Variants in STK32B observed in about 807,000 individuals in gnomAD.
STK32B encodes the protein serine/threonine-protein kinase 32B.
STK32B carries 43 observed loss-of-function variants against 52.6 expected under a neutral mutation model. The observed-to-expected ratio is 0.82, with a 90% CI of 0.64 to 1.05. The LOEUF (loss-of-function observed/expected upper bound fraction) is 1.05, where lower values mean the gene tolerates loss of function less well. Among genes scored for constraint, STK32B ranks in the 50% least tolerant of loss-of-function variants. The probability of loss-of-function intolerance (pLI) is 0.00; values close to 1 mark genes in which losing one functional copy is unlikely to be tolerated. For missense variants in STK32B, 621 were observed against 534.6 expected, an observed-to-expected ratio of 1.16 and a Z score of -1.59; for synonymous variants, 238 against 204.3, an observed-to-expected ratio of 1.17 and a Z score of -1.41.
chr4:5,136,945 T>C (rs890282815), intron 1 of STK32B, among the ~76,000 whole-genome samples: 1 of 152,174 alleles, frequency 6.6e-6, no homozygotes, highest in African/African-American at 2.4e-5. Context: ...TTTTGCCCCA[T>C]ACATTGTTAG....
chr4:5,431,608 C>T (rs186671368), intron 6 of STK32B, among the ~76,000 whole-genome samples: 158 of 152,042 alleles, frequency 1.0e-3, no homozygotes, highest in Non-Finnish European at 2.2e-3. Context: ...TCAGAGCTTA[C>T]GTATTTACTC....
chr4:5,140,349 G>A, intron 2 of STK32B: 5 of 1,212,230 alleles, frequency 4.1e-6, no homozygotes, highest in Non-Finnish European at 5.3e-6. Flanking sequence ...TTTTGAAAAG[G>A]TATAGAAGGC....
chr4:5,408,483 G>A (rs561362653), intron 5 of STK32B, among the ~76,000 whole-genome samples: 2 of 152,108 alleles, frequency 1.3e-5, no homozygotes, highest in Non-Finnish European at 1.5e-5. Flanking sequence ...CACTATGCCT[G>A]CTGCACAGCC....
At chr4:5,263,545 A>G (rs1726865945) in intron 3 of STK32B, among the ~76,000 whole-genome samples, 1 of 152,240 alleles carries the variant, frequency 6.6e-6, no homozygotes, top group Non-Finnish European at 1.5e-5. Flanking sequence ...CCATCCACCT[A>G]TGCAAAATCA....
chr4:5,407,795 T>C (rs1737776377), intron 5 of STK32B, among the ~76,000 whole-genome samples: 1 of 152,086 alleles, frequency 6.6e-6, no homozygotes, highest in Admixed American at 6.5e-5. Flanking sequence ...ACACTGGTGA[T>C]TACAATTGTC....
At chr4:5,417,012 GCCACT>G in intron 6 of STK32B, 78 bp downstream of exon 6, 1 of 1,303,636 alleles carries the variant, frequency 7.7e-7, no homozygotes, top group Non-Finnish European at 1.1e-6. Context: ...TGTTTCATCT[GCCACT>G]GCCCGCTGCC....
At chr4:5,371,022 GTGTATATATA>G (rs1294959534) in intron 4 of STK32B, among the ~76,000 whole-genome samples, 38 of 144,600 alleles carry the variant, frequency 2.6e-4, no homozygotes, top group African/African-American at 8.3e-4. Context: ...GTATATATAT[GTGTATATATA>G]TGTATATATA....
At chr4:5,249,449 T>A (rs750569751) in intron 3 of STK32B, among the ~76,000 whole-genome samples, 708 of 36,306 alleles carry the variant, frequency 0.02, 6 homozygotes, top group East Asian at 0.048. Context: ...CTACCTTCCT[T>A]CCTTCCTTCC....
At chr4:5,115,019 G>T (rs1361833950) in intron 1 of STK32B, among the ~76,000 whole-genome samples, 1 of 152,130 alleles carries the variant, frequency 6.6e-6, no homozygotes, top group Non-Finnish European at 1.5e-5. Flanking sequence ...ATGGGGGAGG[G>T]CCCCTGGAGA....
At chr4:5,443,112 G>C (rs867947596) in intron 6 of STK32B, among the ~76,000 whole-genome samples, 1 of 150,448 alleles carries the variant, frequency 6.6e-6, no homozygotes, top group Admixed American at 6.6e-5. Context: ...GGAGTATCTT[G>C]GTGGCATTCT....
At chr4:5,121,103 A>C (rs1715000483) in intron 1 of STK32B, among the ~76,000 whole-genome samples, 1 of 152,120 alleles carries the variant, frequency 6.6e-6, no homozygotes, top group South Asian at 2.1e-4. Context: ...CAACCTCCTC[A>C]AAGTCCATTA....
At position 5,316,254 on chromosome 4, in the gene STK32B, A is replaced by T. The variant is rs1311534320; in HGVS notation, c.261-14966A>T. Among the ~76,000 whole-genome samples, 153 of 56,696 alleles carry T rather than the reference A, an allele frequency of 2.7e-3. 2 individuals carry two copies. Among genetic ancestry groups the T allele is most frequent in the African/African-American group, 0.022 (109 of 5,004 alleles). The allele number at this position is 56,696 out of a possible 152,430, so 37.2% of individuals were successfully genotyped here. On this transcript the variant is annotated intron_variant, in intron 3 of 11. Transcript: ENST00000282908. ...ATACAATATTATATATTGTATATAT[A>T]ATATATTATATAGTATATATAATAT...
chr4:5,195,242 T>C (rs1443126887), intron 3 of STK32B, among the ~76,000 whole-genome samples: 1 of 152,146 alleles, frequency 6.6e-6, no homozygotes, highest in Non-Finnish European at 1.5e-5. Context: ...GATTTGCCAA[T>C]ATATTCTTCA....
At chr4:5,495,144 T>C (rs947709980) in intron 11 of STK32B, among the ~76,000 whole-genome samples, 38 of 152,334 alleles carry the variant, frequency 2.5e-4, no homozygotes, top group South Asian at 4.1e-4. Flanking sequence ...TTGGGGAAGT[T>C]CTCCTGGATA....
intron 7 of STK32B, among the ~76,000 whole-genome samples, chr4:5,450,056 C>T (rs1365785882): frequency 6.6e-6 from 1 of 152,136 alleles, no homozygotes; most frequent in East Asian, 1.9e-4. Flanking sequence ...AAAACCAGTC[C>T]CTGGTGCCAA....
intron 3 of STK32B, among the ~76,000 whole-genome samples, chr4:5,252,390 C>T (rs1038458817): frequency 7.9e-5 from 12 of 152,172 alleles, no homozygotes; most frequent in Non-Finnish European, 1.5e-4. Context: ...AAGCTCATGG[C>T]ACAATGTCCC....
At chr4:5,263,525 G>T (rs1409267642) in intron 3 of STK32B, among the ~76,000 whole-genome samples, 1 of 152,174 alleles carries the variant, frequency 6.6e-6, no homozygotes, top group African/African-American at 2.4e-5. Flanking sequence ...AGCTGCCACA[G>T]AACTCAGCTC....
At chr4:5,204,586 T>G (rs954584717) in intron 3 of STK32B, among the ~76,000 whole-genome samples, 1 of 151,962 alleles carries the variant, frequency 6.6e-6, no homozygotes, top group Non-Finnish European at 1.5e-5. Context: ...TCTTCTGCCT[T>G]AGCCTCCTGA....
intron 3 of STK32B, among the ~76,000 whole-genome samples, chr4:5,280,688 A>C (rs1365337594): frequency 6.6e-6 from 1 of 151,772 alleles, no homozygotes; most frequent in Non-Finnish European, 1.5e-5. Context: ...TGAGGTCAGG[A>C]GTTCAAAACC....
Sources: allele counts gnomAD v4.1 joint callset (sites outside exome capture counted in the v4.1 genomes callset), GRCh38; gene constraint gnomAD v4.1.1; transcripts MANE v1.5; gene names NCBI Gene and HGNC (gene_info 2026-07-23, HGNC 2026-07-21).